Variants in GLIS3 observed in about 807,000 individuals in gnomAD.
GLIS3 encodes zinc finger protein GLIS3.
Under a neutral mutation model 78.6 loss-of-function variants are expected in GLIS3, and 53 were observed. That is an observed-to-expected ratio of 0.67 (90% CI 0.54 to 0.85). GLIS3 has a LOEUF of 0.85. GLIS3 is among the 40% of genes least tolerant of loss of function. The probability of loss-of-function intolerance (pLI) is 0.00; values close to 1 mark genes in which losing one functional copy is unlikely to be tolerated. For missense variants in GLIS3, 1,703 were observed against 1,231.1 expected (o/e 1.38, Z -5.74); for synonymous variants, 684 against 509.9 (o/e 1.34, Z -4.60).
intron 2 of GLIS3, among the ~76,000 whole-genome samples, chr9:4,279,198 C>T (rs894349719): frequency 2.0e-5 from 3 of 150,014 alleles, no homozygotes; most frequent in Admixed American, 1.3e-4. Flanking sequence ...ACTCATGAGG[C>T]TGACGCAGAG....
At chr9:4,474,748 G>C in the GLIS3 span, among the ~76,000 whole-genome samples, 1 of 145,322 alleles carries the variant, frequency 6.9e-6, no homozygotes, top group South Asian at 2.2e-4. Flanking sequence ...CCAGGCTGGA[G>C]TGCAGTGGCA....
chr9:3,975,468 AT>A (rs1251251160), intron 4 of GLIS3, among the ~76,000 whole-genome samples: 1 of 152,044 alleles, frequency 6.6e-6, no homozygotes, highest in Non-Finnish European at 1.5e-5. Context: ...ACCTTGGGCG[AT>A]TTGACTTTTT....
chr9:4,104,748 C>T (rs899762638), intron 4 of GLIS3, among the ~76,000 whole-genome samples: 2 of 152,162 alleles, frequency 1.3e-5, no homozygotes, highest in Admixed American at 6.5e-5. Context: ...TTTGCACTTG[C>T]TATTCTCTCT....
intron 2 of GLIS3, among the ~76,000 whole-genome samples, chr9:4,162,906 GC>G (rs1835605398): frequency 7.2e-6 from 1 of 139,366 alleles, no homozygotes; most frequent in Non-Finnish European, 1.5e-5. Context: ...ATCCATCCAT[GC>G]AAAAATACCT....
In GLIS3 at chr9:4,118,208, A is replaced by G. The variant is rs806052; in HGVS notation, c.1270T>C (p.Ser424Pro). The change falls in exon 4 of 11, where the codon TCG (serine) becomes CCG (proline). Residue 424 changes from serine (S) to proline (P), a missense_variant. By Grantham distance (74) the Ser-to-Pro change is moderately conservative. Transcript: ENST00000381971. The surrounding 1 kb of genome is among the most constrained non-coding windows in gnomAD (Gnocchi z 4.7). The part of the protein sequence containing the change: ...QHGLPGPDSQ[S>P]AGLFKTERLE... ...CGTTCGGTCTTGAACAGGCCGGCCGACTGGCTGTCGGGGCCCGGCAGGCCA... is the reference window on the plus strand; with the variant it reads ...CGTTCGGTCTTGAACAGGCCGGCCGGCTGGCTGTCGGGGCCCGGCAGGCCA... 1,584,712 of 1,585,008 alleles carry G rather than the reference A, an allele frequency of 1. 792,208 individuals are homozygous for G. Among genetic ancestry groups the G allele is most frequent in the Middle Eastern group, 1 (5,756 of 5,756 alleles).
intron 6 of GLIS3, among the ~76,000 whole-genome samples, chr9:3,914,465 C>T (rs1824368816): frequency 6.6e-6 from 1 of 152,056 alleles, no homozygotes; most frequent in Non-Finnish European, 1.5e-5. Context: ...CTGCGCCCAG[C>T]CAAAGTTTAT....
rs182660242 is a variant in GLIS3 at position 4,022,490 on chromosome 9, C to A, written c.1711-85301G>T. On this transcript the variant is annotated intron_variant, in intron 4 of 10. Transcript: ENST00000381971. The stretch of plus-strand genomic sequence containing the variant: ...CAAATATGTATGCACTGCTTGGTGG[C>A]TGGATTTAGCAAAAATGCCCTGTCC... Among the ~76,000 whole-genome samples, 409 of 152,218 alleles carry A rather than the reference C, an allele frequency of 2.7e-3. 4 individuals carry two copies. Among genetic ancestry groups the A allele is most frequent in the African/African-American group, 9.5e-3 (393 of 41,532 alleles).
rs1251221166 is a variant in GLIS3, at chr9:3,824,903, T to C, written c.*3369A>G. 1 of 141,610 alleles carries C rather than the reference T, an allele frequency of 7.1e-6. No homozygotes were observed. The highest frequency in any genetic ancestry group is 2.6e-5 in the African/African-American group (1 of 38,116). The allele number at this position is 141,610 out of a possible 1,614,324, so 8.8% of individuals were successfully genotyped here. A position where few individuals can be genotyped will look rare whatever the true frequency, so the allele number is the denominator to read the frequency against. ...ATTTCTCCAATGAGTGCTTTTTTTT[T>C]TTTGCTTCATCTGTTGCAAAAAAAA... On this transcript the variant is annotated 3_prime_UTR_variant, in exon 11 of 11. Transcript: ENST00000381971.
intron 6 of GLIS3, among the ~76,000 whole-genome samples, chr9:3,903,937 G>C (rs753633894): frequency 1.3e-5 from 2 of 152,124 alleles, no homozygotes; most frequent in South Asian, 4.1e-4. Context: ...CTGGGGTGGG[G>C]TGTAACACTG....
chr9:3,945,185 A>G (rs908638582), intron 4 of GLIS3, among the ~76,000 whole-genome samples: 2 of 152,264 alleles, frequency 1.3e-5, no homozygotes, highest in African/African-American at 2.4e-5. Flanking sequence ...GCTAAAAGCA[A>G]CCAAAGTATT....
chr9:4,240,091 A>G (rs894786047), intron 2 of GLIS3, among the ~76,000 whole-genome samples: 7 of 149,422 alleles, frequency 4.7e-5, no homozygotes, highest in Admixed American at 1.4e-4. Context: ...CACATATTTT[A>G]TCCTTCTTAC....
At chr9:4,256,187 T>A (rs948662280) in intron 2 of GLIS3, among the ~76,000 whole-genome samples, 1 of 152,080 alleles carries the variant, frequency 6.6e-6, no homozygotes, top group African/African-American at 2.4e-5. Context: ...AAAAAGAGCA[T>A]CACAGTTCAA....
chr9:3,967,639 A>G (rs536726557), intron 4 of GLIS3, among the ~76,000 whole-genome samples: 12 of 152,250 alleles, frequency 7.9e-5, no homozygotes, highest in Non-Finnish European at 1.8e-4. Flanking sequence ...TAATACATCA[A>G]TACTACAGAC....
At chr9:4,408,749 TAGAG>T in the GLIS3 span, among the ~76,000 whole-genome samples, 7 of 111,652 alleles carry the variant, frequency 6.3e-5, no homozygotes, top group Admixed American at 8.9e-5. Flanking sequence ...AAAAAAAAAA[TAGAG>T]AGAATGAATA....
chr9:4,194,519 G>C (rs188678382), intron 2 of GLIS3, among the ~76,000 whole-genome samples: 178 of 152,328 alleles, frequency 1.2e-3, no homozygotes, highest in Middle Eastern at 6.8e-3. Context: ...GCCTATGTGA[G>C]AGGATTTCAG....
intron 2 of GLIS3, among the ~76,000 whole-genome samples, chr9:4,262,089 A>T (rs1825585055): frequency 6.6e-6 from 1 of 152,134 alleles, no homozygotes; most frequent in South Asian, 2.1e-4. Context: ...TCTAGTCCAA[A>T]CAGTCTCCTT....
At chr9:4,010,920 T>C (rs1217570838) in intron 4 of GLIS3, among the ~76,000 whole-genome samples, 2 of 152,190 alleles carry the variant, frequency 1.3e-5, no homozygotes, top group Admixed American at 1.3e-4. Flanking sequence ...CTGGTATGTA[T>C]GTAGATACGC....
At chr9:4,233,082 T>C (rs982632450) in intron 2 of GLIS3, among the ~76,000 whole-genome samples, 1 of 152,234 alleles carries the variant, frequency 6.6e-6, no homozygotes, top group African/African-American at 2.4e-5. Context: ...AATTACATAA[T>C]TTTGATACCA....
intron 1 of GLIS3, among the ~76,000 whole-genome samples, chr9:4,347,748 G>C (rs1817914084): frequency 6.6e-6 from 1 of 151,822 alleles, no homozygotes; most frequent in South Asian, 2.1e-4. Flanking sequence ...TTTTTTTGGT[G>C]GGGGTTGGGG....
Sources: gnomAD v4.1 joint callset for allele counts (sites outside exome capture counted in the v4.1 genomes callset) on GRCh38, gnomAD v4.1.1 for gene constraint, Gnocchi (gnomAD v3.1) non-coding constraint, MANE v1.5 for transcripts, NCBI Gene and HGNC (gene_info 2026-07-23, HGNC 2026-07-21) for gene names.